Variants in DNAH8 observed in about 807,000 individuals in gnomAD.
DNAH8 encodes axonemal beta dynein heavy chain 8.
Under a neutral mutation model 562.1 loss-of-function variants are expected in DNAH8, and 382 were observed. That is an observed-to-expected ratio of 0.68 (90% confidence interval 0.63 to 0.74). The LOEUF (loss-of-function observed/expected upper bound fraction) is 0.74. Among genes scored for constraint, DNAH8 ranks in the 30% least tolerant of loss-of-function variants. The pLI, the probability that DNAH8 is intolerant of heterozygous loss-of-function variation, is 0.00. For missense variants in DNAH8, 5,203 were observed against 5,620.4 expected (o/e 0.93, Z 2.37); for synonymous variants, 1,881 against 1,919.4 (o/e 0.98, Z 0.52).
intron 73 of DNAH8, among the ~76,000 whole-genome samples, chr6:38,924,509 C>CT (rs35227849): frequency 1.3e-5 from 2 of 151,258 alleles, no homozygotes; most frequent in Non-Finnish European, 2.9e-5. Flanking sequence ...CATCCCCCCC[C>CT]CAAAAAAAAG....
At chr6:38,764,119 A>T (rs1333456498) in intron 11 of DNAH8, 1 of 153,424 alleles carries the variant, frequency 6.5e-6, no homozygotes, top group East Asian at 1.9e-4. Context: ...AGTTTATAGC[A>T]CTTCAGTGAA....
chr6:38,823,610 C>A lies in DNAH8; in HGVS notation c.3769C>A (p.Leu1257Ile), dbSNP rs1278727412. The A allele has an allele frequency of 6.8e-6, 11 of 1,609,382 alleles. No homozygotes were observed. Among genetic ancestry groups the A allele is most frequent in the Non-Finnish European group, 9.4e-6 (11 of 1,176,168 alleles). Residue 1257 changes from leucine (L) to isoleucine (I), a missense_variant, in exon 28 of 93, where the codon CTA becomes ATA. By Grantham distance (5) the Leu-to-Ile change is conservative. Coordinates refer to ENST00000327475, the MANE Select transcript of DNAH8 (RefSeq NM_001206927.2). The part of the protein sequence containing the change: ...PSLTEIRSEI[L>I]HYATFEQEID... ...TCTGACTGAAATCAGATCAGAAATT[C>A]TACACTATGCTACTTTTGAACAGGA...
At chr6:38,987,151 A>G (rs1764456247) in intron 87 of DNAH8, among the ~76,000 whole-genome samples, 1 of 152,204 alleles carries the variant, frequency 6.6e-6, no homozygotes, top group South Asian at 2.1e-4. Flanking sequence ...AGACAGTGGC[A>G]ACGGAAAGCT....
chr6:39,012,712 T>G, intron 91 of DNAH8, 75 bp downstream of exon 91: 1 of 1,172,374 alleles, frequency 8.5e-7, no homozygotes, highest in Non-Finnish European at 1.3e-6. Flanking sequence ...GATAAATATA[T>G]ACCATATAAA....
chr6:38,814,368 G>A (rs1772062832), intron 25 of DNAH8, among the ~76,000 whole-genome samples: 1 of 152,208 alleles, frequency 6.6e-6, no homozygotes, highest in African/African-American at 2.4e-5. Flanking sequence ...AGCACCTGAC[G>A]TCAGGAGTTT....
In DNAH8 at chr6:38,984,291, T is replaced by C. The variant is rs1764224150; in HGVS notation, c.13037T>C (p.Leu4346Pro). 1 of 1,602,882 alleles carries C rather than the reference T, an allele frequency of 6.2e-7. No individual in the cohort carries two copies. Among genetic ancestry groups the C allele is most frequent in the Non-Finnish European group, 8.5e-7 (1 of 1,169,828 alleles). ...ACAGATGACTTTGACAAACGTCTACTTAATTGCTTTGCCAGAGTAAGTCAA... is the reference window on the plus strand; with the variant it reads ...ACAGATGACTTTGACAAACGTCTACCTAATTGCTTTGCCAGAGTAAGTCAA... ...RVTDDFDKRL[L>P]NCFARVWFSE... The change falls in exon 87 of 93, where the codon CTT (leucine) becomes CCT (proline). Residue 4346 changes from leucine to proline, a missense_variant. By Grantham distance (98) the Leu-to-Pro change is moderately conservative. This residue lies in a region of DNAH8 where 1,399 missense variants were observed against 1,518.4 expected (regional missense o/e 0.92). Coordinates refer to ENST00000327475, the MANE Select transcript of DNAH8 (RefSeq NM_001206927.2).
intron 12 of DNAH8, among the ~76,000 whole-genome samples, chr6:38,774,646 G>A (rs1021896153): frequency 7.9e-5 from 12 of 152,208 alleles, no homozygotes; most frequent in Non-Finnish European, 1.6e-4. Flanking sequence ...TTTTGTCCTA[G>A]TCTCTGGCTG....
Position 38,877,453 on chromosome 6 carries a change from T to G in DNAH8, c.7858+1625T>G, listed in dbSNP as rs759027702. On this transcript the variant is annotated intron_variant, in intron 53 of 92. Transcript: ENST00000327475. ...ACAAAAGGTTGACAACAATCTAGAC[T>G]CATATTCCTTCTTCAAGGTGGTCCT... Among the ~76,000 whole-genome samples, 17 of 152,208 alleles carry G rather than the reference T, an allele frequency of 1.1e-4. 1 individual carries two copies.
chr6:38,906,360 G>C lies in DNAH8; in HGVS notation c.9301G>C (p.Asp3101His). 6.2e-7 allele frequency: 1 copy of C among 1,610,966 alleles called. No homozygotes were observed. Among genetic ancestry groups the C allele is most frequent in the Non-Finnish European group, 8.5e-7 (1 of 1,178,764 alleles). The change falls in exon 63 of 93, where the codon GAT becomes CAT. Residue 3101 changes from aspartate (D) to histidine (H), a missense_variant. This residue lies in a region of DNAH8 where 977 missense variants were observed against 1,061.8 expected (regional missense o/e 0.92). Transcript: ENST00000327475. ...CATCTTTACTGACAGTGAAATAAAA[G>C]ATGAGGCATTTCTAGAATACCTTAA... ...TFIFTDSEIK[D>H]EAFLEYLNNL...
In DNAH8 at chr6:38,857,681, G is replaced by C; in HGVS notation, c.5897G>C (p.Arg1966Thr). ...QTTHDLSKFD[R>T]VKFETLITIH... ...ACACATGATCTAAGCAAGTTTGATA[G>C]AGTGAAGTTCGAGACTCTAATTACC... The change falls in exon 42 of 93, where the codon AGA (arginine) becomes ACA (threonine). Residue 1966 changes from arginine (R) to threonine (T), a missense_variant. Arg to Thr is a moderately conservative substitution (Grantham distance 71, BLOSUM62 -1). This residue lies in a region of DNAH8 where 2,176 missense variants were observed against 2,365.1 expected (regional missense o/e 0.92). Coordinates refer to ENST00000327475, the MANE Select transcript of DNAH8 (RefSeq NM_001206927.2). The C allele has an allele frequency of 6.2e-7, 1 of 1,613,890 alleles. No homozygotes were observed. Among genetic ancestry groups the C allele is most frequent in the Non-Finnish European group, 8.5e-7 (1 of 1,179,858 alleles).
At chr6:38,773,610 C>T (rs914662216) in intron 12 of DNAH8, among the ~76,000 whole-genome samples, 16 of 152,150 alleles carry the variant, frequency 1.1e-4, no homozygotes, top group Non-Finnish European at 2.1e-4. Flanking sequence ...TATCCCAGCT[C>T]CTCTGTGCTA....
chr6:38,836,322 C>A (rs1381239982), intron 32 of DNAH8, among the ~76,000 whole-genome samples: 1 of 151,946 alleles, frequency 6.6e-6, no homozygotes, highest in Non-Finnish European at 1.5e-5. Flanking sequence ...TGGCATGTGC[C>A]TGTAATCCCA....
At chr6:38,984,398 T>A in intron 87 of DNAH8, 91 bp downstream of exon 87, 1 of 775,142 alleles carries the variant, frequency 1.3e-6, no homozygotes, top group African/African-American at 1.7e-5. Context: ...AACTCAAGCA[T>A]ACAGCAGAGC....
chr6:38,911,724 C>G (rs16891250), intron 66 of DNAH8, 138 bp downstream of exon 66: 8,449 of 637,978 alleles, frequency 0.013, 346 homozygotes, highest in East Asian at 0.11. Flanking sequence ...AAAGGATGGC[C>G]TTGAGGGTAT....
intron 63 of DNAH8, 54 bp from the exon 64 acceptor site, chr6:38,907,902 T>TG: frequency 7.2e-7 from 1 of 1,382,746 alleles, no homozygotes. Context: ...TGGCAGTGAA[T>TG]TGACTGTGGA....
chr6:38,988,518 A>G (rs1764562707), intron 87 of DNAH8, among the ~76,000 whole-genome samples: 1 of 152,180 alleles, frequency 6.6e-6, no homozygotes, highest in African/African-American at 2.4e-5. Context: ...TTTCTAAGTA[A>G]TGACCATGCT....
intron 82 of DNAH8, among the ~76,000 whole-genome samples, chr6:38,962,429 A>G (rs538263975): frequency 2.6e-5 from 4 of 152,306 alleles, no homozygotes; most frequent in South Asian, 4.1e-4. Flanking sequence ...CATTTACATT[A>G]CAAACATTGA....
chr6:38,943,644 C>T (rs886418250), intron 79 of DNAH8, among the ~76,000 whole-genome samples: 3 of 152,150 alleles, frequency 2.0e-5, no homozygotes, highest in African/African-American at 4.8e-5. Context: ...TCTTCCCTGT[C>T]TGGTTATTTT....
At chr6:38,917,507 C>G in intron 69 of DNAH8, 101 bp downstream of exon 69, 2 of 957,234 alleles carry the variant, frequency 2.1e-6, no homozygotes, top group Admixed American at 4.8e-5. Context: ...AATAATTGAT[C>G]ATTGCGTATT....
Sources: allele counts gnomAD v4.1 joint callset (sites outside exome capture counted in the v4.1 genomes callset), GRCh38; gene constraint gnomAD v4.1.1; regional missense constraint gnomAD v4.1.1; transcripts MANE v1.5; gene names NCBI Gene and HGNC (gene_info 2026-07-23, HGNC 2026-07-21).